Variants in HK1 observed in about 807,000 individuals in gnomAD.
HK1 encodes hexokinase 1.
In HK1, 28 loss-of-function variants were observed where a neutral mutation model predicts 91.6. The observed-to-expected ratio is 0.31, with a 90% confidence interval of 0.23 to 0.42. The LOEUF (loss-of-function observed/expected upper bound fraction) is 0.42. Among genes scored for constraint, HK1 ranks in the 10% least tolerant of loss-of-function variants. The probability of loss-of-function intolerance (pLI) is 1.00; values close to 1 mark genes in which losing one functional copy is unlikely to be tolerated. For missense variants in HK1, 770 were observed against 1,219.8 expected (o/e 0.63, Z 5.49); for synonymous variants, 430 against 468.1 (o/e 0.92, Z 1.05).
intron 17 of HK1, among the ~76,000 whole-genome samples, chr10:69,399,787 C>G (rs1176954278): frequency 6.6e-6 from 1 of 152,230 alleles, no homozygotes; most frequent in East Asian, 1.9e-4. Context: ...TCTTGCCAGT[C>G]AAGAGTGCTA....
intron 3 of HK1, among the ~76,000 whole-genome samples, chr10:69,364,056 C>G (rs150040350): frequency 6.6e-6 from 1 of 152,326 alleles, no homozygotes; most frequent in East Asian, 1.9e-4. Flanking sequence ...ACCAAACAAA[C>G]AGGCAGATGT....
chr10:69,392,817 G>A (rs1327491245), intron 15 of HK1, among the ~76,000 whole-genome samples: 1 of 152,186 alleles, frequency 6.6e-6, no homozygotes, highest in African/African-American at 2.4e-5. Flanking sequence ...CTCTGCCACG[G>A]CCAGGATGAG....
rs146244075 is a variant in HK1 at position 69,327,671 on chromosome 10, A to G, written c.63+8661A>G. ...CCAAGTTGCCATCCGTGGTCATGCC[A>G]GTTCACACTCCCATCGGAAGTATGT... On this transcript the variant is annotated intron_variant, in intron 1 of 17. Coordinates refer to ENST00000359426, the MANE Select transcript of HK1 (RefSeq NM_000188.3). Among the ~76,000 whole-genome samples the G allele has an allele frequency of 1.6e-4, 25 of 152,268 alleles. 1 individual carries two copies. The highest frequency in any genetic ancestry group is 6.0e-4 in the African/African-American group (25 of 41,550).
chr10:69,398,872 C>A, intron 17 of HK1, 44 bp downstream of exon 17: 1 of 1,484,072 alleles, frequency 6.7e-7, no homozygotes, highest in South Asian at 1.2e-5. Context: ...TTGCTGGGAT[C>A]CCTTTGGGTT....
intron 13 of HK1, among the ~76,000 whole-genome samples, chr10:69,387,855 C>G (rs996642850): frequency 1.4e-5 from 2 of 146,104 alleles, no homozygotes; most frequent in African/African-American, 5.2e-5. Flanking sequence ...ATGAGGGAGT[C>G]AGTAAGAGAC....
At chr10:69,329,169 CT>C (rs1554814167) in intron 1 of HK1, among the ~76,000 whole-genome samples, 65 of 144,228 alleles carry the variant, frequency 4.5e-4, no homozygotes, top group Middle Eastern at 3.6e-3. Context: ...CTTTCTTCTT[CT>C]TTTTTTTTTT....
chr10:69,333,698 C>A (rs1197933309), intron 1 of HK1, among the ~76,000 whole-genome samples: 1 of 152,190 alleles, frequency 6.6e-6, no homozygotes, highest in Non-Finnish European at 1.5e-5. Context: ...TTCCACCTGC[C>A]TCATGTGGGG....
At chr10:69,300,575 T>C (rs537694512) in intron 4 of HK1, 11 of 697,728 alleles carry the variant, frequency 1.6e-5, no homozygotes, top group East Asian at 7.7e-5. Context: ...GATCTTTGAG[T>C]TGCACATCAA....
intron 2 of HK1, among the ~76,000 whole-genome samples, chr10:69,346,647 T>G (rs1224452392): frequency 6.6e-6 from 1 of 152,072 alleles, no homozygotes; most frequent in Non-Finnish European, 1.5e-5. Flanking sequence ...ATTACAGGCG[T>G]GAGCCACCTC....
chr10:69,400,966 C>T, intron 17 of HK1, 25 bp from the exon 18 acceptor site: 1 of 1,614,118 alleles, frequency 6.2e-7, no homozygotes, highest in Non-Finnish European at 8.5e-7. Flanking sequence ...CCTCCAACTA[C>T]CTTCTGTTTT....
intron 3 of HK1, among the ~76,000 whole-genome samples, chr10:69,293,654 C>T (rs1175070251): frequency 1.3e-5 from 2 of 152,080 alleles, no homozygotes; most frequent in African/African-American, 4.8e-5. Context: ...AGACTGGCTC[C>T]CTCAGAGGTC....
intron 7 of HK1, among the ~76,000 whole-genome samples, chr10:69,372,614 A>AT (rs1281500909): frequency 2.0e-5 from 3 of 151,854 alleles, no homozygotes; most frequent in African/African-American, 7.3e-5. Context: ...AGGTTTGGGG[A>AT]TTTTTGCCCT....
At chr10:69,384,981 G>A in intron 12 of HK1, 66 bp downstream of exon 12, 1 of 1,542,426 alleles carries the variant, frequency 6.5e-7, no homozygotes, top group African/African-American at 1.4e-5. Context: ...TGGGTGGGCT[G>A]GCCCTTGAGG....
chr10:69,298,186 G>A (rs939191482), intron 4 of HK1, among the ~76,000 whole-genome samples: 4 of 151,590 alleles, frequency 2.6e-5, no homozygotes, highest in South Asian at 2.1e-4. Context: ...ACTCCAGCCT[G>A]GGCAAGAAGA....
chr10:69,279,318 A>G (rs749507460), intron 1 of HK1, among the ~76,000 whole-genome samples: 2 of 152,160 alleles, frequency 1.3e-5, no homozygotes, highest in Non-Finnish European at 2.9e-5. Flanking sequence ...GGTTCAAAGG[A>G]GAAGTGAAGC....
intron 1 of HK1, among the ~76,000 whole-genome samples, chr10:69,277,977 G>A (rs1267330449): frequency 6.6e-6 from 1 of 152,016 alleles, no homozygotes; most frequent in Non-Finnish European, 1.5e-5. Context: ...AGGTTGCAGT[G>A]AGCCGAGATT....
intron 2 of HK1, among the ~76,000 whole-genome samples, chr10:69,286,985 C>T (rs911288618): frequency 3.3e-5 from 5 of 152,108 alleles, no homozygotes; most frequent in African/African-American, 1.2e-4. Context: ...GTTATGCACT[C>T]CATCAGTAAA....
intron 1 of HK1, chr10:69,278,831 CAG>C (rs1212842571): frequency 2.0e-5 from 3 of 150,494 alleles, no homozygotes; most frequent in African/African-American, 7.3e-5. Context: ...AAAAATAAAA[CAG>C]AGATTTGGCT....
chr10:69,353,394 GC>G (rs1848978312), intron 2 of HK1, among the ~76,000 whole-genome samples: 1 of 152,064 alleles, frequency 6.6e-6, no homozygotes, highest in South Asian at 2.1e-4. Flanking sequence ...TTTGAGACTA[GC>G]TTGGGCAACA....
Sources: allele counts gnomAD v4.1 joint callset (sites outside exome capture counted in the v4.1 genomes callset), GRCh38; gene constraint gnomAD v4.1.1; transcripts MANE v1.5; gene names NCBI Gene and HGNC (gene_info 2026-07-23, HGNC 2026-07-21).